MYO7B: variants seen among roughly 807,000 people sequenced by gnomAD.
MYO7B encodes the protein unconventional myosin-VIIb.
In MYO7B, 212 loss-of-function variants were observed where a neutral mutation model predicts 259.7. The ratio of observed to expected loss-of-function variants is 0.82; its 90% confidence interval spans 0.73 to 0.91. The LOEUF (loss-of-function observed/expected upper bound fraction) is 0.91. Ranked by LOEUF, MYO7B falls within the 40% of genes least tolerant of loss-of-function variation. The probability of loss-of-function intolerance (pLI) is 0.00; values close to 1 mark genes in which losing one functional copy is unlikely to be tolerated. For missense variants in MYO7B, 2,732 were observed against 2,813.5 expected (o/e 0.97, Z 0.66); for synonymous variants, 1,197 against 1,166.4 (o/e 1.03, Z -0.54).
rs571726748 is a variant in MYO7B, at chr2:127,610,101, A to G, written c.3192+85A>G. On this transcript the variant is annotated intron_variant, in intron 24 of 47. Transcript: ENST00000409816. ...CCAGTCCCTGGGGCAGCTGGACAGG[A>G]CGGAGAGACAAGACCTGGAGCCCTG... is the stretch of plus-strand genomic sequence containing the variant. 1.8e-4 allele frequency: 267 copies of G among 1,518,382 alleles called. 2 individuals carry two copies. Among genetic ancestry groups the G allele is most frequent in the South Asian group, 1.3e-3 (109 of 81,086 alleles). The allele number at this position is 1,518,382 out of a possible 1,614,324, so 94.1% of individuals were successfully genotyped here. A position where few individuals can be genotyped will look rare whatever the true frequency, so the allele number is the denominator to read the frequency against.
chr2:127,537,645 T>C (rs1358957046), intron 1 of MYO7B, among the ~76,000 whole-genome samples: 1 of 150,786 alleles, frequency 6.6e-6, no homozygotes, highest in African/African-American at 2.4e-5. Context: ...GGAGACTCCA[T>C]CTCTATAGAA....
In MYO7B at chr2:127,636,174, C is replaced by T. The variant is rs1558857676; in HGVS notation, c.6007-34C>T. ...ACCAGGGCTTTGGAGGGCCTCTGGG[C>T]ACCCAAGTCCTTACTGGCCCTCCTG... is the stretch of plus-strand genomic sequence containing the variant. On this transcript the variant is annotated intron_variant, in intron 44 of 47. Transcript: ENST00000409816. This position sits in a 1 kb window ranked among gnomAD's most constrained non-coding sequence, Gnocchi z 4.5. 7.1e-6 allele frequency: 11 copies of T among 1,555,888 alleles called. No homozygotes were observed. The highest frequency in any genetic ancestry group is 2.3e-5 in the East Asian group (1 of 44,360).
intron 42 of MYO7B, 100 bp downstream of exon 42, chr2:127,634,783 G>C: frequency 5.3e-6 from 6 of 1,139,942 alleles, no homozygotes; most frequent in Non-Finnish European, 7.7e-6. Flanking sequence ...CCATCCATTC[G>C]TTCCCGTGTG....
chr2:127,631,387 T>C (rs1247885911), intron 37 of MYO7B, 24 bp downstream of exon 37: 3 of 1,592,618 alleles, frequency 1.9e-6, no homozygotes, highest in South Asian at 2.2e-5. Flanking sequence ...CCAGCCTGCC[T>C]GCACCTCGTC....
Position 127,564,153 on chromosome 2 carries a change from G to C in MYO7B, c.19G>C (p.Gly7Arg), listed in dbSNP as rs777483584. The C allele has an allele frequency of 3.2e-6, 5 of 1,557,720 alleles. No homozygotes were observed. The Admixed American group carries it at 7.7e-5, about 24-fold the overall frequency. ...CCACTGTCTTCTGTCTGCCCTCCAG[G>C]GTGACCACGTGTGGCTGGAGCCTCC... MSGFRL[G>R]DHVWLEPPST... The change falls in exon 3 of 48, where the codon GGT (glycine) becomes CGT (arginine). Residue 7 changes from glycine (G) to arginine (R), a missense_variant and splice_region_variant. Physicochemically the swap from Gly to Arg is moderately radical, Grantham distance 125. Coordinates refer to ENST00000409816, the MANE Select transcript of MYO7B (RefSeq NM_001393586.1).
chr2:127,626,400 C>T (rs1007506697), intron 31 of MYO7B: 1 of 153,740 alleles, frequency 6.5e-6, no homozygotes, highest in Non-Finnish European at 1.4e-5. Context: ...ACAGCTAGCG[C>T]AGCCCCGCCC....
Position 127,632,124 on chromosome 2 carries a change from G to A in MYO7B, c.5250-122G>A, listed in dbSNP as rs1573725856. On this transcript the variant is annotated intron_variant, in intron 38 of 47. Coordinates refer to ENST00000409816, the MANE Select transcript of MYO7B (RefSeq NM_001393586.1). ...GCTGGCATGGTGCAGCCTGGCAGGT[G>A]CCCTCCCCCTCGGGCCCTCTAGACC... The A allele has an allele frequency of 3.4e-6, 4 of 1,170,250 alleles. No homozygotes were observed. In the South Asian group the frequency reaches 4.8e-5, roughly 14 times the overall value. 72.5% of individuals were successfully genotyped at this position (1,170,250 alleles called of 1,614,324 possible). A position where few individuals can be genotyped will look rare whatever the true frequency, so the allele number is the denominator to read the frequency against.
In MYO7B at chr2:127,635,227, G is replaced by A; in HGVS notation, c.5820+1G>A. 1 of 1,611,838 alleles carries A rather than the reference G, an allele frequency of 6.2e-7. No individual in the cohort carries two copies. The highest frequency in any genetic ancestry group is 8.5e-7 in the Non-Finnish European group (1 of 1,178,960). On this transcript the variant is annotated splice_donor_variant, in intron 43 of 47. Transcript: ENST00000409816. LOFTEE classifies it high-confidence loss of function. ...AGACACCATACTCCATTACCACCAG[G>A]TACCGGGCAGGCTGCCCTGGTGGGC... is the stretch of plus-strand genomic sequence containing the variant.
intron 29 of MYO7B, 81 bp from the exon 30 acceptor site, chr2:127,624,012 G>A (rs547729549): frequency 6.8e-6 from 9 of 1,328,826 alleles, no homozygotes; most frequent in African/African-American, 5.8e-5. Flanking sequence ...TGTCTTCTAC[G>A]TGCACACGCT....
intron 1 of MYO7B, among the ~76,000 whole-genome samples, chr2:127,556,344 T>C (rs1211196690): frequency 1.3e-5 from 2 of 152,236 alleles, no homozygotes; most frequent in African/African-American, 4.8e-5. Context: ...TTCTTATCCA[T>C]TCTGCCATTC....
chr2:127,544,682 G>C (rs971815646), intron 1 of MYO7B, among the ~76,000 whole-genome samples: 12 of 149,298 alleles, frequency 8.0e-5, no homozygotes, highest in African/African-American at 2.5e-4. Context: ...CTGGGTTTAC[G>C]CCATTCTCCT....
chr2:127,540,165 T>G (rs1248319631), intron 1 of MYO7B, among the ~76,000 whole-genome samples: 1 of 108,652 alleles, frequency 9.2e-6, no homozygotes, highest in African/African-American at 2.9e-5. Flanking sequence ...CTTTTTCTGG[T>G]TTTATTTTTT....
At chr2:127,549,711 C>A in intron 1 of MYO7B, among the ~76,000 whole-genome samples, 1 of 151,980 alleles carries the variant, frequency 6.6e-6, no homozygotes, top group East Asian at 1.9e-4. Flanking sequence ...GGGAGAGGGG[C>A]CTTGGTGGGT....
Position 127,590,340 on chromosome 2 carries a change from C to T in MYO7B, c.1992+111C>T. ...GGCCTGGCTAGCGTTAGAGCTGTTA[C>T]TGCCCCTACCTTACAGATAAGTACA... On this transcript the variant is annotated intron_variant, in intron 16 of 47. Coordinates refer to ENST00000409816, the MANE Select transcript of MYO7B (RefSeq NM_001393586.1). The surrounding 1 kb of genome is among the most constrained non-coding windows in gnomAD (Gnocchi z 4.6). The T allele has an allele frequency of 2.1e-6, 3 of 1,437,412 alleles. No individual in the cohort carries two copies. The highest frequency in any genetic ancestry group is 2.3e-5 in the East Asian group (1 of 42,914). The allele number at this position is 1,437,412 out of a possible 1,614,324, so 89.0% of individuals were successfully genotyped here. A position where few individuals can be genotyped will look rare whatever the true frequency, so the allele number is the denominator to read the frequency against.
chr2:127,552,203 A>G (rs1354880135), intron 1 of MYO7B, among the ~76,000 whole-genome samples: 1 of 152,168 alleles, frequency 6.6e-6, no homozygotes, highest in African/African-American at 2.4e-5. Flanking sequence ...ATAATTGTAC[A>G]TATGTGTGGG....
At chr2:127,554,017 A>G (rs536561775) in intron 1 of MYO7B, among the ~76,000 whole-genome samples, 19 of 152,300 alleles carry the variant, frequency 1.2e-4, no homozygotes, top group African/African-American at 3.8e-4. Context: ...TGAGATGATC[A>G]TGTAACTTTT....
intron 19 of MYO7B, among the ~76,000 whole-genome samples, chr2:127,601,451 T>C (rs1353168822): frequency 6.6e-6 from 1 of 152,188 alleles, no homozygotes; most frequent in Admixed American, 6.5e-5. Flanking sequence ...TCCATTTCAG[T>C]TTTATCATTT....
At chr2:127,591,579 C>T (rs1250899914) in intron 16 of MYO7B, among the ~76,000 whole-genome samples, 1 of 152,236 alleles carries the variant, frequency 6.6e-6, no homozygotes, top group Non-Finnish European at 1.5e-5. Context: ...CATAGGAAAT[C>T]GTCAGTGAAG....
At chr2:127,634,461 C>A in intron 41 of MYO7B, 135 bp from the exon 42 acceptor site, 1 of 894,714 alleles carries the variant, frequency 1.1e-6, no homozygotes, top group Admixed American at 2.2e-5. Context: ...CAGCTCCACA[C>A]GCCAATAGCC....
Sources: allele counts gnomAD v4.1 joint callset (sites outside exome capture counted in the v4.1 genomes callset), GRCh38; gene constraint gnomAD v4.1.1; non-coding constraint Gnocchi (gnomAD v3.1); transcripts MANE v1.5; gene names NCBI Gene and HGNC (gene_info 2026-07-23, HGNC 2026-07-21).